MGAT4C: variants seen among roughly 807,000 people sequenced by gnomAD.
MGAT4C encodes the protein alpha-1,3-mannosyl-glycoprotein 4-beta-N-acetylglucosaminyltransferase C.
Under a neutral mutation model 40.1 loss-of-function variants are expected in MGAT4C, and 19 were observed. The observed-to-expected ratio is 0.47, with a 90% CI of 0.33 to 0.70. The LOEUF (loss-of-function observed/expected upper bound fraction) is 0.70, where lower values mean the gene tolerates loss of function less well. Among genes scored for constraint, MGAT4C ranks in the 30% least tolerant of loss-of-function variants. The pLI is 0.02. For synonymous variants in MGAT4C, 181 were observed against 187.1 expected, an observed-to-expected ratio of 0.97 and a Z score of 0.27; for missense variants, 491 against 563.2, an observed-to-expected ratio of 0.87 and a Z score of 1.30.
At chr12:86,010,462 G>C (rs991048582) in intron 2 of MGAT4C, among the ~76,000 whole-genome samples, 2 of 152,086 alleles carry the variant, frequency 1.3e-5, no homozygotes, top group African/African-American at 4.8e-5. Flanking sequence ...GGCAGATCAC[G>C]AGGTCAAGAG....
At position 85,960,162 on chromosome 12, in the gene MGAT4C, A is replaced by G. The variant is rs1464858373; in HGVS notation, c.*19127T>C. ...ATTGTGTCACCAGCCAGCCGTATGCAGACTTACAAAGGACTACCCACTAAG... is the reference window on the plus strand; with the variant it reads ...ATTGTGTCACCAGCCAGCCGTATGCGGACTTACAAAGGACTACCCACTAAG... On this transcript the variant is annotated 3_prime_UTR_variant, in exon 5 of 5. Transcript: ENST00000611864. 6.6e-6 allele frequency: 1 copy of G among 152,128 alleles called. No individual in the cohort carries two copies. The highest frequency in any genetic ancestry group is 2.4e-5 in the African/African-American group (1 of 41,570). The allele number at this position is 152,128 out of a possible 1,614,324, so 9.4% of individuals were successfully genotyped here.
chr12:86,241,954 G>C (rs1434318531), intron 1 of MGAT4C, among the ~76,000 whole-genome samples: 1 of 152,052 alleles, frequency 6.6e-6, no homozygotes, highest in Non-Finnish European at 1.5e-5. Context: ...ACTAGGGGAG[G>C]GGGGGAAATT....
At chr12:86,208,360 A>G (rs1444591206) in intron 1 of MGAT4C, among the ~76,000 whole-genome samples, 1 of 152,174 alleles carries the variant, frequency 6.6e-6, no homozygotes, top group African/African-American at 2.4e-5. Flanking sequence ...CCAGCTACTC[A>G]GGCGGCTGAG....
chr12:86,014,302 A>G (rs1200883106), intron 2 of MGAT4C, among the ~76,000 whole-genome samples: 1 of 152,162 alleles, frequency 6.6e-6, no homozygotes, highest in Non-Finnish European at 1.5e-5. Flanking sequence ...CCTAAACCGG[A>G]ACTGGGAAAC....
intron 1 of MGAT4C, among the ~76,000 whole-genome samples, chr12:86,831,924 C>T (rs1300163653): frequency 6.6e-6 from 1 of 151,740 alleles, no homozygotes; most frequent in Non-Finnish European, 1.5e-5. Flanking sequence ...ATATGGGAAT[C>T]TGACAATATC....
At chr12:86,611,141 C>G (rs1962244763) in intron 2 of MGAT4C, among the ~76,000 whole-genome samples, 1 of 151,894 alleles carries the variant, frequency 6.6e-6, no homozygotes, top group African/African-American at 2.4e-5. Flanking sequence ...GAAGGGATAT[C>G]TGATGGATAC....
intron 2 of MGAT4C, among the ~76,000 whole-genome samples, chr12:86,574,650 T>C (rs1403099530): frequency 6.6e-6 from 1 of 151,824 alleles, no homozygotes; most frequent in Non-Finnish European, 1.5e-5. Flanking sequence ...GCAAAGTGAA[T>C]GCAATTAGCA....
chr12:86,281,430 A>G (rs140097840), intron 4 of MGAT4C, among the ~76,000 whole-genome samples: 4 of 152,238 alleles, frequency 2.6e-5, no homozygotes, highest in African/African-American at 9.6e-5. Context: ...ATGTAGATAG[A>G]AATAGAGATA....
At chr12:86,690,728 C>T (rs941656178) in intron 2 of MGAT4C, among the ~76,000 whole-genome samples, 1 of 152,146 alleles carries the variant, frequency 6.6e-6, no homozygotes, top group African/African-American at 2.4e-5. Flanking sequence ...GAACTGCAGA[C>T]CGGAGCTGTT....
intron 2 of MGAT4C, among the ~76,000 whole-genome samples, chr12:86,589,457 C>T (rs1056825360): frequency 4.6e-5 from 7 of 151,806 alleles, no homozygotes; most frequent in African/African-American, 7.3e-5. Context: ...GATTCACAGC[C>T]GAATTCTACC....
At chr12:86,679,009 A>T (rs1173518681) in intron 2 of MGAT4C, among the ~76,000 whole-genome samples, 1 of 152,052 alleles carries the variant, frequency 6.6e-6, no homozygotes, top group Non-Finnish European at 1.5e-5. Flanking sequence ...CGCCACACTG[A>T]CTTCCACAAT....
At chr12:86,019,527 AGAACACTGG>A (rs1889440196) in intron 2 of MGAT4C, among the ~76,000 whole-genome samples, 5 of 152,136 alleles carry the variant, frequency 3.3e-5, no homozygotes, top group Admixed American at 3.3e-4. Context: ...TTAATATTGA[AGAACACTGG>A]GAATCATGTT....
intron 1 of MGAT4C, among the ~76,000 whole-genome samples, chr12:86,190,177 A>G (rs1187189895): frequency 6.6e-6 from 1 of 152,068 alleles, no homozygotes; most frequent in African/African-American, 2.4e-5. Context: ...AAGTCCTAAC[A>G]ATATTATAGG....
intron 3 of MGAT4C, among the ~76,000 whole-genome samples, chr12:86,348,923 CT>C (rs1447426798): frequency 6.6e-6 from 1 of 151,974 alleles, no homozygotes; most frequent in Non-Finnish European, 1.5e-5. Context: ...TTATTATCAA[CT>C]TTGTGGAATT....
chr12:86,383,558 A>C (rs1028825917), intron 3 of MGAT4C, among the ~76,000 whole-genome samples: 1 of 150,006 alleles, frequency 6.7e-6, no homozygotes, highest in African/African-American at 2.5e-5. Context: ...TCAAAAAAAA[A>C]AAAAAAAAAA....
chr12:86,109,720 A>G (rs1310652014), intron 1 of MGAT4C, among the ~76,000 whole-genome samples: 1 of 152,044 alleles, frequency 6.6e-6, no homozygotes, highest in Admixed American at 6.6e-5. Context: ...TATGTCTACC[A>G]TGTGGCTAGT....
At chr12:86,355,414 T>C (rs1955287460) in intron 3 of MGAT4C, among the ~76,000 whole-genome samples, 1 of 152,196 alleles carries the variant, frequency 6.6e-6, no homozygotes, top group Non-Finnish European at 1.5e-5. Flanking sequence ...CTAAATACTT[T>C]CTAGATGTGG....
At chr12:86,792,074 T>A (rs1475548913) in intron 1 of MGAT4C, among the ~76,000 whole-genome samples, 5 of 152,176 alleles carry the variant, frequency 3.3e-5, no homozygotes, top group Admixed American at 2.0e-4. Flanking sequence ...AATAGCATAA[T>A]GCTTTCAAAC....
At chr12:86,126,368 G>T (rs1400141738) in intron 1 of MGAT4C, among the ~76,000 whole-genome samples, 1 of 152,044 alleles carries the variant, frequency 6.6e-6, no homozygotes, top group East Asian at 1.9e-4. Flanking sequence ...AGACTCCAGT[G>T]CATAACTTAT....
Sources: gnomAD v4.1 joint callset for allele counts (sites outside exome capture counted in the v4.1 genomes callset) on GRCh38, gnomAD v4.1.1 for gene constraint, MANE v1.5 for transcripts, NCBI Gene and HGNC (gene_info 2026-07-23, HGNC 2026-07-21) for gene names.